Variants in PTPRD observed in about 807,000 individuals in gnomAD.
PTPRD encodes protein tyrosine phosphatase receptor type D.
In PTPRD, 34 loss-of-function variants were observed where a neutral mutation model predicts 214.5. That is an observed-to-expected ratio of 0.16 (90% CI 0.12 to 0.21). PTPRD has a LOEUF of 0.21. PTPRD is among the 10% of genes least tolerant of loss of function. The probability of loss-of-function intolerance (pLI) is 1.00; values close to 1 mark genes in which losing one functional copy is unlikely to be tolerated. For missense variants in PTPRD, 2,545 were observed against 2,398.7 expected (o/e 1.06, Z -1.27); for synonymous variants, 1,128 against 845.7 (o/e 1.33, Z -5.79).
intron 8 of PTPRD, among the ~76,000 whole-genome samples, chr9:9,510,222 T>G (rs2096667455): frequency 6.6e-6 from 1 of 151,782 alleles, no homozygotes; most frequent in African/African-American, 2.4e-5. Context: ...TTTTGTATTT[T>G]AAACATGATC....
chr9:9,580,441 C>G (rs532711265), intron 7 of PTPRD, among the ~76,000 whole-genome samples: 1 of 151,674 alleles, frequency 6.6e-6, no homozygotes, highest in African/African-American at 2.4e-5. Context: ...TAACTTTAAT[C>G]ATTTTCTGAT....
Position 10,201,145 on chromosome 9 carries a change from A to C in PTPRD, c.-545+139818T>G, listed in dbSNP as rs143543435. 1.5e-3 allele frequency among the ~76,000 whole-genome samples: 229 copies of C among 152,174 alleles called. 2 individuals carry two copies. Among genetic ancestry groups the C allele is most frequent in the African/African-American group, 5.3e-3 (219 of 41,556 alleles). ...ACTCTTGCTTGGAAAAGACAGTGCA[A>C]TGGTGAAAGAAAACAATACATACTC... On this transcript the variant is annotated intron_variant, in intron 3 of 45. Coordinates refer to ENST00000381196, the MANE Select transcript of PTPRD (RefSeq NM_002839.4).
intron 3 of PTPRD, among the ~76,000 whole-genome samples, chr9:10,135,893 G>T (rs1295034351): frequency 6.6e-6 from 1 of 151,102 alleles, no homozygotes; most frequent in Non-Finnish European, 1.5e-5. Context: ...TAATCTTGAT[G>T]GAAATGATCT....
chr9:9,199,917 T>C (rs1242388589), intron 9 of PTPRD, among the ~76,000 whole-genome samples: 1 of 152,204 alleles, frequency 6.6e-6, no homozygotes, highest in Non-Finnish European at 1.5e-5. Flanking sequence ...TCCTACTTCC[T>C]AGCAGTGTGG....
Position 8,812,827 on chromosome 9 carries a change from G to A in PTPRD, c.-103-78881C>T, listed in dbSNP as rs73429090. On this transcript the variant is annotated intron_variant, in intron 11 of 45. Coordinates refer to ENST00000381196, the MANE Select transcript of PTPRD (RefSeq NM_002839.4). Reference sequence around the variant, plus strand: ...GAAACATTGTTTAGAAAAAGATCTAGTTGCCCACATCTTAAGGAAAACAGT... The same window carrying A: ...GAAACATTGTTTAGAAAAAGATCTAATTGCCCACATCTTAAGGAAAACAGT... Among the ~76,000 whole-genome samples, 678 of 151,772 alleles carry A rather than the reference G, an allele frequency of 4.5e-3. 3 individuals are homozygous for A. The highest frequency in any genetic ancestry group is 0.015 in the African/African-American group (632 of 41,368).
intron 9 of PTPRD, among the ~76,000 whole-genome samples, chr9:9,298,502 G>A (rs558777659): frequency 1.3e-5 from 2 of 151,868 alleles, no homozygotes; most frequent in South Asian, 4.1e-4. Flanking sequence ...GGACAGAAAA[G>A]TTAAAAGAAC....
intron 10 of PTPRD, among the ~76,000 whole-genome samples, chr9:9,096,492 C>T (rs1224883883): frequency 1.3e-5 from 2 of 152,102 alleles, no homozygotes; most frequent in African/African-American, 4.8e-5. Flanking sequence ...TTTTGTGTTC[C>T]ATGACTCTTT....
intron 14 of PTPRD, among the ~76,000 whole-genome samples, chr9:8,541,503 C>A (rs564333519): frequency 4.0e-4 from 61 of 152,116 alleles, no homozygotes; most frequent in Non-Finnish European, 8.2e-4. Context: ...CAGCTAGGAC[C>A]ACAAGCACAT....
intron 11 of PTPRD, among the ~76,000 whole-genome samples, chr9:8,735,675 CGAGGCA>C (rs2090115532): frequency 6.6e-6 from 1 of 151,876 alleles, no homozygotes; most frequent in Non-Finnish European, 1.5e-5. Context: ...TTTCGGAAGC[CGAGGCA>C]GGAGGATCAC....
At chr9:8,903,150 T>C (rs1307165187) in intron 11 of PTPRD, among the ~76,000 whole-genome samples, 2 of 152,142 alleles carry the variant, frequency 1.3e-5, no homozygotes, top group African/African-American at 4.8e-5. Flanking sequence ...CTTATTCTTT[T>C]TTTTTTTAAT....
chr9:10,417,788 T>C (rs748528926), intron 2 of PTPRD, among the ~76,000 whole-genome samples: 36 of 151,916 alleles, frequency 2.4e-4, no homozygotes, highest in Admixed American at 6.6e-4. Context: ...ATATAGCCAA[T>C]ATGAACTGAA....
chr9:9,141,753 T>G (rs2099860817), intron 10 of PTPRD, among the ~76,000 whole-genome samples: 1 of 150,796 alleles, frequency 6.6e-6, no homozygotes, highest in Admixed American at 6.6e-5. Context: ...ATATATTATC[T>G]CATGCATATT....
intron 9 of PTPRD, among the ~76,000 whole-genome samples, chr9:9,354,180 C>CT (rs566089575): frequency 1.4e-3 from 217 of 151,816 alleles, no homozygotes; most frequent in African/African-American, 5.0e-3. Flanking sequence ...GATGGTTCCT[C>CT]TTTCTTAAAG....
intron 5 of PTPRD, among the ~76,000 whole-genome samples, chr9:9,896,921 G>A (rs1041269967): frequency 5.3e-5 from 8 of 152,050 alleles, no homozygotes; most frequent in Non-Finnish European, 1.0e-4. Flanking sequence ...GAGTGAACGT[G>A]AGCAGATTTA....
intron 42 of PTPRD, among the ~76,000 whole-genome samples, chr9:8,339,631 C>T (rs767467651): frequency 2.5e-4 from 38 of 152,060 alleles, no homozygotes; most frequent in Admixed American, 5.2e-4. Context: ...TTGTTCTCTC[C>T]GGGGGCTCTA....
chr9:8,336,014 G>T (rs1283705978), intron 43 of PTPRD, among the ~76,000 whole-genome samples: 1 of 151,872 alleles, frequency 6.6e-6, no homozygotes, highest in Admixed American at 6.6e-5. Flanking sequence ...AATCAATATC[G>T]TGAAAATGGC....
At chr9:8,711,314 A>G (rs577188618) in intron 12 of PTPRD, among the ~76,000 whole-genome samples, 3 of 152,274 alleles carry the variant, frequency 2.0e-5, no homozygotes, top group Admixed American at 6.5e-5. Context: ...CAAATATATA[A>G]TTATTAAAAT....
intron 10 of PTPRD, among the ~76,000 whole-genome samples, chr9:9,051,821 A>G (rs958075327): frequency 9.9e-5 from 15 of 152,262 alleles, no homozygotes; most frequent in Middle Eastern, 6.8e-3. Context: ...ATTTAAATCA[A>G]ATTGTTCAGG....
At chr9:9,479,294 T>C (rs2147000457) in intron 8 of PTPRD, among the ~76,000 whole-genome samples, 1 of 140,276 alleles carries the variant, frequency 7.1e-6, no homozygotes, top group South Asian at 2.4e-4. Context: ...ATCTCCATTT[T>C]CAGGAAAGCA....
Sources: allele counts gnomAD v4.1 joint callset (sites outside exome capture counted in the v4.1 genomes callset), GRCh38; gene constraint gnomAD v4.1.1; transcripts MANE v1.5; gene names NCBI Gene and HGNC (gene_info 2026-07-23, HGNC 2026-07-21).